The following GGN variants were observed in gnomAD, a reference collection of about 807,000 sequenced individuals.
The protein encoded by GGN is gametogenetin.
A neutral mutation model predicts 35.5 loss-of-function variants in GGN; 27 were observed. The observed-to-expected ratio is 0.76, with a 90% CI of 0.56 to 1.05. The LOEUF (loss-of-function observed/expected upper bound fraction) is 1.05. GGN is among the 50% of genes least tolerant of loss of function. The pLI is 0.00. For missense variants in GGN, 1,006 were observed against 940.7 expected, an observed-to-expected ratio of 1.07 and a Z score of -0.91; for synonymous variants, 425 against 444.1, an observed-to-expected ratio of 0.96 and a Z score of 0.54.
In GGN at chr19:38,387,169, C is replaced by A; in HGVS notation, c.93G>T (p.Leu31=). The A allele has an allele frequency of 6.3e-7, 1 of 1,587,468 alleles. No homozygotes were observed. The highest frequency in any genetic ancestry group is 2.3e-5 in the East Asian group (1 of 43,134). ...CCTGGGAGGTCATCTCGGGCTCCAC[C>A]AGGGACGTCCGGCGGGAGTCGGGGG... is the stretch of plus-strand genomic sequence containing the variant. The part of the protein sequence containing the change: ...DRAPDSRRTS[L]VEPEMTSQAM... Residue 31 remains leucine (L), a synonymous_variant, in exon 3 of 4, where the codon CTG becomes CTT. Coordinates refer to ENST00000334928, the MANE Select transcript of GGN (RefSeq NM_152657.4). This position sits in a 1 kb window ranked among gnomAD's most constrained non-coding sequence, Gnocchi z 5.3.
chr19:38,388,309 C>T, upstream of GGN: 1 of 390,792 alleles, frequency 2.6e-6, no homozygotes, highest in Non-Finnish European at 4.5e-6. Flanking sequence ...CACTAGTCCT[C>T]GCCTGCAGCA....
chr19:38,387,142 G>A lies in GGN; in HGVS notation c.120C>T (p.Ala40=). 1 of 1,576,258 alleles carries A rather than the reference G, an allele frequency of 6.3e-7. No individual in the cohort carries two copies. ...SLVEPEMTSQ[A]MRLTRGLGVW... is the part of the protein sequence containing the mutation. Reference sequence around the variant, plus strand: ...CACCCAGCCCACGAGTCAGGCGCATGGCCTGGGAGGTCATCTCGGGCTCCA... The same window carrying A: ...CACCCAGCCCACGAGTCAGGCGCATAGCCTGGGAGGTCATCTCGGGCTCCA... The change falls in exon 3 of 4, where the codon GCC becomes GCT. Residue 40 remains alanine, a synonymous_variant. Coordinates refer to ENST00000334928, the MANE Select transcript of GGN (RefSeq NM_152657.4). The surrounding 1 kb of genome is among the most constrained non-coding windows in gnomAD (Gnocchi z 5.3).
chr19:38,387,102 T>C lies in GGN; in HGVS notation c.160A>G (p.Ser54Gly), dbSNP rs939638722. The change falls in exon 3 of 4, where the codon AGC becomes GGC. Residue 54 changes from serine to glycine, a missense_variant. Coordinates refer to ENST00000334928, the MANE Select transcript of GGN (RefSeq NM_152657.4). This position sits in a 1 kb window ranked among gnomAD's most constrained non-coding sequence, Gnocchi z 5.3. ...TRGLGVWFPG[S>G]ATPPGLMVPR... ...ACCATGAGTCCCGGGGGTGTGGCGC[T>C]GCCAGGGAACCAGACACCCAGCCCA... 28 of 1,559,404 alleles carry C rather than the reference T, an allele frequency of 1.8e-5. No individual in the cohort carries two copies. Among genetic ancestry groups the C allele is most frequent in the Non-Finnish European group, 2.3e-5 (27 of 1,151,540 alleles).
Position 38,386,998 on chromosome 19 carries a change from T to C in GGN, c.264A>G (p.Glu88=), listed in dbSNP as rs1313332915. The change falls in exon 3 of 4, where the codon GAA becomes GAG. Residue 88 remains glutamate, a synonymous_variant. Transcript: ENST00000334928. ...ERPSPVMPPP[E]EAAAVSAPPP... The stretch of plus-strand genomic sequence containing the variant: ...GTGGTGCAGAGACCGCGGCCGCCTC[T>C]TCAGGAGGGGGCATCACTGGAGAGG... 8 of 1,541,114 alleles carry C rather than the reference T, an allele frequency of 5.2e-6. No individual in the cohort carries two copies. Among genetic ancestry groups the C allele is most frequent in the Non-Finnish European group, 7.0e-6 (8 of 1,143,332 alleles).
rs1421659918 is a variant in GGN, at chr19:38,385,401, T to C, written c.1841+20A>G. Reference sequence around the variant, plus strand: ...AGCAGTCTGGGGTTCGGCACCCTCCTGTCCCTTCTCCCCTCTCACCAGGCA... The same window carrying C: ...AGCAGTCTGGGGTTCGGCACCCTCCCGTCCCTTCTCCCCTCTCACCAGGCA... On this transcript the variant is annotated intron_variant, in intron 3 of 3. Transcript: ENST00000334928. The C allele has an allele frequency of 1.2e-6, 2 of 1,613,132 alleles. No individual in the cohort carries two copies. Among genetic ancestry groups the C allele is most frequent in the Non-Finnish European group, 1.7e-6 (2 of 1,180,006 alleles).
rs777372047 is a variant in GGN at position 38,386,696 on chromosome 19, GTGATTC to G, written c.560_565del (p.Arg187_Ile188del). On this transcript the variant is annotated inframe_deletion, in exon 3 of 4. Coordinates refer to ENST00000334928, the MANE Select transcript of GGN (RefSeq NM_152657.4). ...TGAGGCGGGTGTGGCCAGAGCAGGAGTGATTCTGCGGTCCGCCGGCTGCCGTTCAGA... is the reference window on the plus strand; with the variant it reads ...TGAGGCGGGTGTGGCCAGAGCAGGAGTGCGGTCCGCCGGCTGCCGTTCAGA... 1 of 1,607,306 alleles carries G rather than the reference GTGATTC, an allele frequency of 6.2e-7. No individual in the cohort carries two copies. Among genetic ancestry groups the G allele is most frequent in the South Asian group, 1.1e-5 (1 of 90,634 alleles).
At chr19:38,388,191 A>G (rs996934733), upstream of GGN, 2 of 237,040 alleles carry the variant, frequency 8.4e-6, no homozygotes, top group African/African-American at 4.6e-5. Context: ...ATTTACCTCT[A>G]AGCTCCGCCT....
rs201339442 is a variant in GGN, at chr19:38,385,525, A to G, written c.1737T>C (p.Ala579=). 1 of 1,614,110 alleles carries G rather than the reference A, an allele frequency of 6.2e-7. No homozygotes were observed. The highest frequency in any genetic ancestry group is 2.2e-5 in the East Asian group (1 of 44,888). The change falls in exon 3 of 4, where the codon GCT becomes GCC. Residue 579 remains alanine (A), a synonymous_variant. Transcript: ENST00000334928. ...ASQTGAANTR[A]ARHWLPFQVL... The stretch of plus-strand genomic sequence containing the variant: ...CCTGGAAGGGCAGCCAGTGGCGCGC[A>G]GCGCGGGTGTTAGCTGCCCCAGTCT...
chr19:38,387,179 CG>C lies in GGN; in HGVS notation c.82del (p.Arg28GlyfsTer9), dbSNP rs1303240455. 6.3e-7 allele frequency: 1 copy of C among 1,588,908 alleles called. No homozygotes were observed. The highest frequency in any genetic ancestry group is 1.3e-5 in the African/African-American group (1 of 74,246). ...QPSDRAPDSR[R>X]TSLVEPEMTS... ...CATCTCGGGCTCCACCAGGGACGTC[CG>C]GCGGGAGTCGGGGGCGCGGTCCGAG... is the stretch of plus-strand genomic sequence containing the variant. On this transcript the variant is annotated frameshift_variant, in exon 3 of 4. Transcript: ENST00000334928. LOFTEE classifies it high-confidence loss of function. The surrounding 1 kb of genome is among the most constrained non-coding windows in gnomAD (Gnocchi z 5.3).
chr19:38,387,334 A>G lies in GGN; in HGVS notation c.-19-54T>C. The G allele has an allele frequency of 6.7e-7, 1 of 1,488,130 alleles. No individual in the cohort carries two copies. Among genetic ancestry groups the G allele is most frequent in the African/African-American group, 1.4e-5 (1 of 71,728 alleles). The allele number at this position is 1,488,130 out of a possible 1,614,324, so 92.2% of individuals were successfully genotyped here. A position where few individuals can be genotyped will look rare whatever the true frequency, so the allele number is the denominator to read the frequency against. ...CTGCCAGGGCCGTGGGGACCCTACG[A>G]GGCTGGCTGTACTTGATCTAATGCG... On this transcript the variant is annotated intron_variant, in intron 2 of 3. Transcript: ENST00000334928. This position sits in a 1 kb window ranked among gnomAD's most constrained non-coding sequence, Gnocchi z 5.3.
Position 38,385,870 on chromosome 19 carries a change from C to CG in GGN, c.1391dup (p.Leu465AlafsTer42), listed in dbSNP as rs1970706885. 6.5e-7 allele frequency: 1 copy of CG among 1,545,954 alleles called. No homozygotes were observed. Among genetic ancestry groups the CG allele is most frequent in the Non-Finnish European group, 8.7e-7 (1 of 1,148,668 alleles). On this transcript the variant is annotated frameshift_variant, in exon 3 of 4. Coordinates refer to ENST00000334928, the MANE Select transcript of GGN (RefSeq NM_152657.4). LOFTEE classifies it high-confidence loss of function. ...CCTTGTGGCCCAGACCCGGGGTGAG[C>CG]GGGGGAGCCACCGGCAGCGGCGTTG...
upstream of GGN, chr19:38,388,276 G>A (rs1375180518): frequency 5.4e-6 from 2 of 372,136 alleles, no homozygotes; most frequent in African/African-American, 2.1e-5. Flanking sequence ...ATCCACCGTG[G>A]GCCCGCCCCT....
At position 38,385,445 on chromosome 19, in the gene GGN, C is replaced by G. The variant is rs766530005; in HGVS notation, c.1817G>C (p.Arg606Pro). ...CYCHHQPRHR[R>P]LPRNVSAWLS... ...CCAGGCAGAGACGTTGCGTGGCAGG[C>G]GGCGATGGCGTGGCTGGTGGTGGCA... Residue 606 changes from arginine (R) to proline (P), a missense_variant, in exon 3 of 4, where the codon CGC becomes CCC. Coordinates refer to ENST00000334928, the MANE Select transcript of GGN (RefSeq NM_152657.4). 72 of 1,613,974 alleles carry G rather than the reference C, an allele frequency of 4.5e-5. No homozygotes were observed. Among genetic ancestry groups the G allele is most frequent in the Admixed American group, 1.7e-4 (10 of 60,004 alleles).
In GGN at chr19:38,386,367, C is replaced by T. The variant is rs1970722684; in HGVS notation, c.895G>A (p.Ala299Thr). 1 of 1,612,786 alleles carries T rather than the reference C, an allele frequency of 6.2e-7. No individual in the cohort carries two copies. The highest frequency in any genetic ancestry group is 1.1e-5 in the South Asian group (1 of 91,048). Residue 299 changes from alanine (A) to threonine (T), a missense_variant, in exon 3 of 4, where the codon GCT becomes ACT. Coordinates refer to ENST00000334928, the MANE Select transcript of GGN (RefSeq NM_152657.4). ...LKQGPLPPGA[A>T]RPLGEVSRGA... ...CGAGAAACCTCTCCCAAGGGGCGAG[C>T]GGCTCCAGGAGGCAGGGGCCCTTGC...
At position 38,384,694 on chromosome 19, in the gene GGN, G is replaced by A. The variant is rs542358253; in HGVS notation, c.1842-165C>T. 2.0e-5 allele frequency among the ~76,000 whole-genome samples: 3 copies of A among 152,346 alleles called. No homozygotes were observed. The East Asian group carries it at 5.8e-4, about 29-fold the overall frequency. On this transcript the variant is annotated intron_variant, in intron 3 of 3. Coordinates refer to ENST00000334928, the MANE Select transcript of GGN (RefSeq NM_152657.4). ...CTGTGGCCACTTAATAGGAAAGGGA[G>A]CTGAGGGCTGGCGAGTGTCCCAGCT...
chr19:38,386,460 G>A lies in GGN; in HGVS notation c.802C>T (p.Leu268=). The stretch of plus-strand genomic sequence containing the variant: ...AGGCCGCCGCCTCCGCCGCCCCCCA[G>A]CGAAGCTTTGGCTGCTAAGGAACTC... ...ASSSLAAKAS[L]GGGGGGGLFA... is the part of the protein sequence containing the mutation. Residue 268 remains leucine, a synonymous_variant, in exon 3 of 4, where the codon CTG becomes TTG. Coordinates refer to ENST00000334928, the MANE Select transcript of GGN (RefSeq NM_152657.4). The A allele has an allele frequency of 6.2e-7, 1 of 1,612,914 alleles. No homozygotes were observed. The highest frequency in any genetic ancestry group is 1.1e-5 in the South Asian group (1 of 91,084).
In GGN at chr19:38,386,135, G is replaced by A. The variant is rs1340268034; in HGVS notation, c.1127C>T (p.Pro376Leu). 1.3e-6 allele frequency: 2 copies of A among 1,581,122 alleles called. No individual in the cohort carries two copies. Among genetic ancestry groups the A allele is most frequent in the Non-Finnish European group, 1.7e-6 (2 of 1,168,322 alleles). ...AGAGAGTGCGGCCGCACGCCGTCGCGGCGCCCCGATGCCTCCGCCAGCCCC... is the reference window on the plus strand; with the variant it reads ...AGAGAGTGCGGCCGCACGCCGTCGCAGCGCCCCGATGCCTCCGCCAGCCCC... ...FNGAGGGIGA[P>L]RRRAAALSGP... is the part of the protein sequence containing the mutation. The change falls in exon 3 of 4, where the codon CCG (proline) becomes CTG (leucine). Residue 376 changes from proline to leucine, a missense_variant. By Grantham distance (98) the Pro-to-Leu change is moderately conservative. Transcript: ENST00000334928.
At position 38,384,431 on chromosome 19, in the gene GGN, T is replaced by A. The variant is rs752943142; in HGVS notation, c.1940A>T (p.Gln647Leu). The change falls in exon 4 of 4, where the codon CAG (glutamine) becomes CTG (leucine). Residue 647 changes from glutamine to leucine, a missense_variant. Coordinates refer to ENST00000334928, the MANE Select transcript of GGN (RefSeq NM_152657.4). ...CTACACTCAGTTGGAATGGGTGGCC[T>A]GCAAGTCGTAGTGCTCCAGCTTGGC... ...LVAKLEHYDL[Q>L]ATHSN is the part of the protein sequence containing the mutation. The A allele has an allele frequency of 3.1e-6, 5 of 1,613,504 alleles. No homozygotes were observed. In the African/African-American group the frequency reaches 6.7e-5, roughly 22 times the overall value.
At position 38,387,425 on chromosome 19, in the gene GGN, G is replaced by A; in HGVS notation, c.-19-145C>T. On this transcript the variant is annotated intron_variant, in intron 2 of 3. Coordinates refer to ENST00000334928, the MANE Select transcript of GGN (RefSeq NM_152657.4). This position sits in a 1 kb window ranked among gnomAD's most constrained non-coding sequence, Gnocchi z 5.3. ...GCCCAAGTCCTTAGGTCGCACTCCT[G>A]TTCCCCGACCTTCGACACTCACGCC... 2 of 1,355,712 alleles carry A rather than the reference G, an allele frequency of 1.5e-6. No individual in the cohort carries two copies. The highest frequency in any genetic ancestry group is 3.0e-5 in the South Asian group (2 of 65,674). The allele number at this position is 1,355,712 out of a possible 1,614,324, so 84.0% of individuals were successfully genotyped here.
Sources: gnomAD v4.1 joint callset for allele counts (sites outside exome capture counted in the v4.1 genomes callset) on GRCh38, gnomAD v4.1.1 for gene constraint, Gnocchi (gnomAD v3.1) non-coding constraint, MANE v1.5 for transcripts, NCBI Gene and HGNC (gene_info 2026-07-23, HGNC 2026-07-21) for gene names.